ELOC: variants seen among roughly 807,000 people sequenced by gnomAD.
The protein encoded by ELOC is elongin C.
For synonymous variants in ELOC, 40 were observed against 51.3 expected (o/e 0.78, Z 0.94); for missense variants, 38 against 139.0 (o/e 0.27, Z 3.65).
chr8:73,951,811 A>G (rs1455213277), intron 3 of ELOC, among the ~76,000 whole-genome samples: 1 of 152,208 alleles, frequency 6.6e-6, no homozygotes, highest in Non-Finnish European at 1.5e-5. Context: ...CAGTAATCAA[A>G]ACAGTGTGGT....
intron 1 of ELOC, among the ~76,000 whole-genome samples, chr8:73,960,540 T>C (rs1386071462): frequency 6.6e-6 from 1 of 152,190 alleles, no homozygotes; most frequent in Non-Finnish European, 1.5e-5. Context: ...AAGACTCAGC[T>C]CAGCCTTGTT....
intron 3 of ELOC, among the ~76,000 whole-genome samples, chr8:73,955,297 C>T (rs1295312264): frequency 6.6e-6 from 1 of 152,056 alleles, no homozygotes; most frequent in Non-Finnish European, 1.5e-5. Context: ...GGTGAAACCC[C>T]ATCTCTACTA....
intron 1 of ELOC, chr8:73,969,690 C>G (rs1815228339): frequency 6.6e-6 from 1 of 152,204 alleles, no homozygotes; most frequent in South Asian, 2.1e-4. Context: ...AAATTAGACA[C>G]CCCATCCCAG....
chr8:73,951,637 CAAAA>C (rs574155762), intron 3 of ELOC, among the ~76,000 whole-genome samples: 1,871 of 133,884 alleles, frequency 0.014, 146 homozygotes, highest in Admixed American at 0.13. Flanking sequence ...AACAAACAAA[CAAAA>C]AACCCCACAA....
intron 3 of ELOC, among the ~76,000 whole-genome samples, chr8:73,951,672 A>ACAACAG (rs1489149484): frequency 1.3e-5 from 2 of 151,728 alleles, no homozygotes; most frequent in Non-Finnish European, 2.9e-5. Flanking sequence ...AACAACAACA[A>ACAACAG]CAACAACAAA....
chr8:73,952,078 C>G (rs1421851554), intron 3 of ELOC, among the ~76,000 whole-genome samples: 1 of 152,116 alleles, frequency 6.6e-6, no homozygotes, highest in Non-Finnish European at 1.5e-5. Flanking sequence ...CAAGGGAAAA[C>G]ACAGGGTTAG....
intron 2 of ELOC, among the ~76,000 whole-genome samples, chr8:73,958,132 G>A (rs868138610): frequency 1.5e-5 from 2 of 135,762 alleles, no homozygotes; most frequent in Admixed American, 7.9e-5. Flanking sequence ...GCCTTGCTCT[G>A]TTACCCAGGC....
chr8:73,965,287 C>G (rs1392475212), intron 1 of ELOC, among the ~76,000 whole-genome samples: 1 of 152,082 alleles, frequency 6.6e-6, no homozygotes. Context: ...CGAAATACTA[C>G]TATACAGCCA....
intron 2 of ELOC, among the ~76,000 whole-genome samples, chr8:73,957,953 A>G (rs934499496): frequency 1.4e-4 from 21 of 151,496 alleles, no homozygotes; most frequent in Non-Finnish European, 2.4e-4. Flanking sequence ...TAATTTTTGT[A>G]TTTAGTAGAG....
Position 73,946,606 on chromosome 8 carries a change from A to C in ELOC, c.*24T>G. 6.6e-7 allele frequency: 1 copy of C among 1,508,160 alleles called. No individual in the cohort carries two copies. Among genetic ancestry groups the C allele is most frequent in the Non-Finnish European group, 8.9e-7 (1 of 1,123,944 alleles). The allele number at this position is 1,508,160 out of a possible 1,614,324, so 93.4% of individuals were successfully genotyped here. ...AGGTATTAAATACTGAAAAGAGTTA[A>C]CAGTTTATTATAATTTATTTTATTT... On this transcript the variant is annotated 3_prime_UTR_variant, in exon 4 of 4. Coordinates refer to ENST00000520242, the MANE Select transcript of ELOC (RefSeq NM_005648.4).
chr8:73,954,983 G>A (rs1233077282), intron 3 of ELOC, among the ~76,000 whole-genome samples: 4 of 137,500 alleles, frequency 2.9e-5, no homozygotes, highest in South Asian at 4.8e-4. Flanking sequence ...GCAGTGAGCC[G>A]AGATGGCACC....
chr8:73,962,519 CATT>C (rs1226080686), intron 1 of ELOC, among the ~76,000 whole-genome samples: 1 of 151,344 alleles, frequency 6.6e-6, no homozygotes, highest in Non-Finnish European at 1.5e-5. Context: ...TCATGAGAGC[CATT>C]ATTATTTTCT....
At chr8:73,965,401 A>C (rs1323491465) in intron 1 of ELOC, among the ~76,000 whole-genome samples, 1 of 152,126 alleles carries the variant, frequency 6.6e-6, no homozygotes, top group African/African-American at 2.4e-5. Flanking sequence ...TCATAATAGG[A>C]GAATGGATAA....
intron 3 of ELOC, among the ~76,000 whole-genome samples, chr8:73,951,175 G>A (rs1441873371): frequency 6.6e-6 from 1 of 152,216 alleles, no homozygotes; most frequent in Non-Finnish European, 1.5e-5. Context: ...AGGAAGCTGA[G>A]GGAGGAGAAT....
intron 1 of ELOC, among the ~76,000 whole-genome samples, chr8:73,968,131 C>T (rs1815114246): frequency 6.6e-6 from 1 of 152,216 alleles, no homozygotes; most frequent in African/African-American, 2.4e-5. Flanking sequence ...GAATCCATCT[C>T]CACATCTGAA....
At chr8:73,960,497 A>G (rs1814517150) in intron 1 of ELOC, among the ~76,000 whole-genome samples, 1 of 152,162 alleles carries the variant, frequency 6.6e-6, no homozygotes, top group South Asian at 2.1e-4. Flanking sequence ...GCCTTTTTTG[A>G]TATCAACATG....
At chr8:73,958,408 G>C (rs970279597) in intron 2 of ELOC, among the ~76,000 whole-genome samples, 3 of 152,106 alleles carry the variant, frequency 2.0e-5, no homozygotes, top group African/African-American at 7.2e-5. Context: ...ACCCTAAGAA[G>C]ACTAGAATGG....
At chr8:73,948,355 C>A (rs955397920) in intron 3 of ELOC, among the ~76,000 whole-genome samples, 12 of 152,198 alleles carry the variant, frequency 7.9e-5, no homozygotes, top group African/African-American at 2.9e-4. Context: ...AAAGATCAAT[C>A]CAGGCAATCA....
At chr8:73,959,132 C>T (rs1042769807) in intron 2 of ELOC, among the ~76,000 whole-genome samples, 3 of 152,176 alleles carry the variant, frequency 2.0e-5, no homozygotes, top group African/African-American at 7.2e-5. Context: ...CTGGAAATTG[C>T]TCTGTGTGAG....
Sources: allele counts gnomAD v4.1 joint callset (sites outside exome capture counted in the v4.1 genomes callset), GRCh38; gene constraint gnomAD v4.1.1; transcripts MANE v1.5; gene names NCBI Gene and HGNC (gene_info 2026-07-23, HGNC 2026-07-21).